TEAD4: variants seen among roughly 807,000 people sequenced by gnomAD.
The protein encoded by TEAD4 is transcriptional enhancer factor TEF-3.
A neutral mutation model predicts 52.4 loss-of-function variants in TEAD4; 36 were observed. That is an observed-to-expected ratio of 0.69 (90% CI 0.53 to 0.91). TEAD4 has a LOEUF of 0.91. TEAD4 is among the 40% of genes least tolerant of loss of function. TEAD4 has a pLI of 0.00. For synonymous variants in TEAD4, 220 were observed against 231.0 expected (o/e 0.95, Z 0.43); for missense variants, 508 against 583.9 (o/e 0.87, Z 1.34).
At chr12:3,009,106 G>C (rs1191143007) in intron 3 of TEAD4, among the ~76,000 whole-genome samples, 5 of 152,212 alleles carry the variant, frequency 3.3e-5, no homozygotes, top group Non-Finnish European at 5.9e-5. Flanking sequence ...GAATCTGCGG[G>C]AAAAACCTTA....
chr12:2,967,151 A>G (rs1327341095), intron 2 of TEAD4, among the ~76,000 whole-genome samples: 1 of 152,172 alleles, frequency 6.6e-6, no homozygotes, highest in Non-Finnish European at 1.5e-5. Context: ...TAATATATGT[A>G]CATTGTAGGA....
chr12:3,002,988 C>T (rs61917967), intron 3 of TEAD4, among the ~76,000 whole-genome samples: 10,293 of 152,280 alleles, frequency 0.068, 435 homozygotes, highest in Non-Finnish European at 0.1. Context: ...TTCTCCAGCC[C>T]CAGGTGTTTA....
At position 2,994,800 on chromosome 12, in the gene TEAD4, G is replaced by C; in HGVS notation, c.34G>C (p.Glu12Gln). 6.2e-7 allele frequency: 1 copy of C among 1,613,598 alleles called. No individual in the cohort carries two copies. The highest frequency in any genetic ancestry group is 8.5e-7 in the Non-Finnish European group (1 of 1,179,910). The change falls in exon 3 of 13, where the codon GAG (glutamate) becomes CAG (glutamine). Residue 12 changes from glutamate (E) to glutamine (Q), a missense_variant. Physicochemically the swap from Glu to Gln is conservative, Grantham distance 29. Coordinates refer to ENST00000359864, the MANE Select transcript of TEAD4 (RefSeq NM_003213.4). The surrounding 1 kb of genome is among the most constrained non-coding windows in gnomAD (Gnocchi z 4.7). ...CACGGCCGGCACCATTACCTCCAAC[G>C]AGTGGAGCTCTCCCACCTCCCCTGA...
At chr12:3,003,495 G>A (rs779288977) in intron 3 of TEAD4, among the ~76,000 whole-genome samples, 2 of 152,190 alleles carry the variant, frequency 1.3e-5, no homozygotes, top group Admixed American at 6.5e-5. Flanking sequence ...GTGGTGCTAT[G>A]TGGCGGAGGT....
At position 3,012,217 on chromosome 12, in the gene TEAD4, C is replaced by T; in HGVS notation, c.339C>T (p.Ile113=). ...TGGCTCGTCGCAAAGCTCGCGAGAT[C>T]CAGGCCAAGCTAAAGGTAAGGAAAC... is the stretch of plus-strand genomic sequence containing the variant. The change falls in exon 5 of 13, where the codon ATC becomes ATT. Residue 113 remains isoleucine (I), a synonymous_variant. Coordinates refer to ENST00000359864, the MANE Select transcript of TEAD4 (RefSeq NM_003213.4). 14 of 1,614,090 alleles carry T rather than the reference C, an allele frequency of 8.7e-6. No homozygotes were observed. The highest frequency in any genetic ancestry group is 1.2e-5 in the Non-Finnish European group (14 of 1,179,982).
At chr12:3,022,436 C>T (rs1479919371) in intron 10 of TEAD4, among the ~76,000 whole-genome samples, 2 of 152,134 alleles carry the variant, frequency 1.3e-5, no homozygotes, top group African/African-American at 4.8e-5. Context: ...TCGGTGCTCG[C>T]GTCCAAGGCA....
intron 2 of TEAD4, among the ~76,000 whole-genome samples, chr12:2,961,076 T>C (rs61916416): frequency 0.14 from 20,365 of 148,592 alleles, 1,492 homozygotes; most frequent in South Asian, 0.27. Context: ...CTTTGGGGGA[T>C]GGGATGGGCG....
At chr12:2,960,970 G>A (rs1242977454) in intron 2 of TEAD4, among the ~76,000 whole-genome samples, 1 of 152,130 alleles carries the variant, frequency 6.6e-6, no homozygotes. Flanking sequence ...CTGCCTCTTG[G>A]AGCCAGGAGG....
intron 2 of TEAD4, among the ~76,000 whole-genome samples, chr12:2,977,958 G>T (rs1248202093): frequency 6.6e-6 from 1 of 152,182 alleles, no homozygotes; most frequent in Admixed American, 6.5e-5. Context: ...TACACAGCCT[G>T]GCCCGGCCCA....
At chr12:3,028,531 T>C (rs1271501878) in intron 10 of TEAD4, among the ~76,000 whole-genome samples, 1 of 152,254 alleles carries the variant, frequency 6.6e-6, no homozygotes, top group Non-Finnish European at 1.5e-5. Flanking sequence ...GTGGTTTTTA[T>C]CTGCATTTCC....
intron 2 of TEAD4, among the ~76,000 whole-genome samples, chr12:2,974,292 C>T (rs1050618259): frequency 5.9e-5 from 9 of 152,216 alleles, no homozygotes; most frequent in African/African-American, 2.2e-4. Flanking sequence ...CGTAAGCCAC[C>T]GTGCCCGGCC....
intron 2 of TEAD4, among the ~76,000 whole-genome samples, chr12:2,992,785 G>A (rs957640285): frequency 3.3e-5 from 5 of 152,116 alleles, no homozygotes; most frequent in Admixed American, 1.3e-4. Flanking sequence ...TGGGAGGTAC[G>A]TGGTTCCCAG....
chr12:3,031,982 C>A (rs1485373159), intron 10 of TEAD4, among the ~76,000 whole-genome samples: 1 of 152,152 alleles, frequency 6.6e-6, no homozygotes, highest in African/African-American at 2.4e-5. Context: ...ATCCCCAGCC[C>A]CCTGAGGAAC....
intron 2 of TEAD4, among the ~76,000 whole-genome samples, chr12:2,963,792 C>A (rs781673262): frequency 6.6e-6 from 1 of 152,194 alleles, no homozygotes. Context: ...TCTATGCCCA[C>A]GTCCTCCTGC....
chr12:3,025,372 T>A lies in TEAD4; in HGVS notation c.897+3355T>A, dbSNP rs149791245. On this transcript the variant is annotated intron_variant, in intron 10 of 12. Transcript: ENST00000359864. ...CTTCATTTTGTGGGAACACATCCTC[T>A]AGTACCTTCTAAGAAAAGATGCATG... Among the ~76,000 whole-genome samples the A allele has an allele frequency of 1.8e-3, 273 of 152,360 alleles. 1 individual carries two copies. The highest frequency in any genetic ancestry group is 1.7e-3 in the Non-Finnish European group (115 of 68,034).
intron 2 of TEAD4, among the ~76,000 whole-genome samples, chr12:2,961,282 TC>T (rs1199410244): frequency 2.6e-5 from 4 of 152,116 alleles, no homozygotes; most frequent in Admixed American, 6.6e-5. Context: ...CCTCATTCTT[TC>T]CAACTTGCCA....
At chr12:2,977,046 A>AATC in intron 2 of TEAD4, among the ~76,000 whole-genome samples, 1 of 151,034 alleles carries the variant, frequency 6.6e-6, no homozygotes, top group South Asian at 2.1e-4. Flanking sequence ...AATGACCGTG[A>AATC]ATCACGTGCA....
intron 10 of TEAD4, among the ~76,000 whole-genome samples, chr12:3,024,443 G>C (rs746963908): frequency 6.6e-6 from 1 of 152,114 alleles, no homozygotes; most frequent in Non-Finnish European, 1.5e-5. Context: ...GGAGCCCAAC[G>C]TGGGCAGATT....
intron 2 of TEAD4, among the ~76,000 whole-genome samples, chr12:2,974,771 G>A (rs1231907949): frequency 6.6e-6 from 1 of 152,032 alleles, no homozygotes; most frequent in African/African-American, 2.4e-5. Flanking sequence ...TTGGACACCT[G>A]GTTTGGGCTG....
Sources: allele counts gnomAD v4.1 joint callset (sites outside exome capture counted in the v4.1 genomes callset), GRCh38; gene constraint gnomAD v4.1.1; non-coding constraint Gnocchi (gnomAD v3.1); transcripts MANE v1.5; gene names NCBI Gene and HGNC (gene_info 2026-07-23, HGNC 2026-07-21).